SMCO2: variants seen among roughly 807,000 people sequenced by gnomAD.
SMCO2 encodes the protein single-pass membrane protein with coiled-coil domains 2, also known as single-pass membrane and coiled-coil domain-containing protein 2.
SMCO2 carries 25 observed loss-of-function variants against 29.5 expected under a neutral mutation model. The ratio of observed to expected loss-of-function variants is 0.85; its 90% confidence interval spans 0.62 to 1.18. The LOEUF (loss-of-function observed/expected upper bound fraction) is 1.18, where lower values mean the gene tolerates loss of function less well. SMCO2 is among the 50% of genes most tolerant of loss of function. The probability of loss-of-function intolerance (pLI) is 0.00; values close to 1 mark genes in which losing one functional copy is unlikely to be tolerated. For synonymous variants in SMCO2, 117 were observed against 123.3 expected (o/e 0.95, Z 0.34); for missense variants, 348 against 344.5 (o/e 1.01, Z -0.08).
upstream of SMCO2, among the ~76,000 whole-genome samples, chr12:27,461,949 TA>T (rs1399182142): frequency 2.0e-5 from 3 of 152,264 alleles, no homozygotes; most frequent in Non-Finnish European, 2.9e-5. Context: ...AGCACTTACA[TA>T]AACCATTATT....
At chr12:27,484,982 A>G (rs1434549270) in intron 4 of SMCO2, among the ~76,000 whole-genome samples, 1 of 150,510 alleles carries the variant, frequency 6.6e-6, no homozygotes, top group Non-Finnish European at 1.5e-5. Context: ...TGGCTCTGCA[A>G]GTTTGTAGTT....
chr12:27,497,282 A>G (rs1007518182), intron 7 of SMCO2: 2 of 152,762 alleles, frequency 1.3e-5, no homozygotes, highest in Admixed American at 1.3e-4. Flanking sequence ...ATAGTTTAGT[A>G]AAATCTATGA....
upstream of SMCO2, among the ~76,000 whole-genome samples, chr12:27,465,997 G>A (rs538496659): frequency 1.3e-5 from 2 of 152,290 alleles, no homozygotes; most frequent in South Asian, 4.1e-4. Context: ...ATGGGAGAGG[G>A]AAATGTGAGC....
intron 4 of SMCO2, chr12:27,475,692 T>G: frequency 6.5e-7 from 1 of 1,549,076 alleles, no homozygotes; most frequent in South Asian, 1.2e-5. Flanking sequence ...ATTGACAATA[T>G]TATTAAAAAA....
At chr12:27,433,087 A>G in the SMCO2 span, among the ~76,000 whole-genome samples, 1 of 152,212 alleles carries the variant, frequency 6.6e-6, no homozygotes, top group African/African-American at 2.4e-5. Context: ...CATCGTAACT[A>G]TCTTGTGGAA....
the SMCO2 span, among the ~76,000 whole-genome samples, chr12:27,434,487 T>G: frequency 3.9e-5 from 6 of 152,194 alleles, no homozygotes; most frequent in Non-Finnish European, 8.8e-5. Context: ...ATATAACATC[T>G]AATGAGCTGT....
At chr12:27,494,216 G>A (rs953682103) in intron 5 of SMCO2, 84 bp from the exon 7 acceptor site, 2 of 857,284 alleles carry the variant, frequency 2.3e-6, no homozygotes, top group East Asian at 3.4e-5. Context: ...ATTTTATAAG[G>A]TTTGTCAAAA....
the SMCO2 span, among the ~76,000 whole-genome samples, chr12:27,447,000 C>T: frequency 5.9e-5 from 9 of 152,238 alleles, no homozygotes; most frequent in East Asian, 1.9e-4. Flanking sequence ...AAGTTCCCCA[C>T]GTGATTCTGA....
At chr12:27,473,181 G>A (rs1309478058) in intron 3 of SMCO2, 2 of 308,196 alleles carry the variant, frequency 6.5e-6, no homozygotes, top group Non-Finnish European at 1.2e-5. Context: ...TCTCACCTTC[G>A]AGCAAATCAC....
At chr12:27,444,362 CT>C in the SMCO2 span, among the ~76,000 whole-genome samples, 1 of 152,266 alleles carries the variant, frequency 6.6e-6, no homozygotes, top group Non-Finnish European at 1.5e-5. Flanking sequence ...GGATTATTGA[CT>C]TGAATCTAAG....
At chr12:27,495,339 C>A (rs934836557) in intron 6 of SMCO2, among the ~76,000 whole-genome samples, 1 of 150,678 alleles carries the variant, frequency 6.6e-6, no homozygotes, top group African/African-American at 2.5e-5. Context: ...TATCCTAGAA[C>A]CTGTTAGCAG....
chr12:27,497,882 G>A (rs1592220919), intron 7 of SMCO2: 1 of 340,396 alleles, frequency 2.9e-6, no homozygotes, highest in Non-Finnish European at 5.7e-6. Context: ...AATATTTGCT[G>A]CTGCTCAAAA....
At chr12:27,437,978 A>G in the SMCO2 span, among the ~76,000 whole-genome samples, 1 of 151,674 alleles carries the variant, frequency 6.6e-6, no homozygotes, top group African/African-American at 2.4e-5. Context: ...TCCAGTGACC[A>G]CCCTCCTCTT....
intron 5 of SMCO2, among the ~76,000 whole-genome samples, chr12:27,490,396 A>C (rs1052259874): frequency 6.6e-6 from 1 of 152,172 alleles, no homozygotes; most frequent in African/African-American, 2.4e-5. Flanking sequence ...GGTATAAGGA[A>C]ATTTAGGGGC....
intron 4 of SMCO2, 121 bp downstream of exon 5, chr12:27,475,852 G>A (rs1260496740): frequency 2.0e-6 from 2 of 999,922 alleles, no homozygotes; most frequent in Non-Finnish European, 2.7e-6. Flanking sequence ...TTTCTTGGAT[G>A]AAATATCTGT....
At chr12:27,467,285 C>T (rs1949505606) in intron 1 of SMCO2, among the ~76,000 whole-genome samples, 1 of 152,026 alleles carries the variant, frequency 6.6e-6, no homozygotes, top group African/African-American at 2.4e-5. Flanking sequence ...GGATTCACTC[C>T]ATTTGTACCA....
intron 4 of SMCO2, among the ~76,000 whole-genome samples, chr12:27,475,243 C>T (rs384434): frequency 6.6e-6 from 1 of 152,068 alleles, no homozygotes; most frequent in Non-Finnish European, 1.5e-5. Context: ...GCCCTTGTGG[C>T]TCTTTTCCCT....
intron 3 of SMCO2, chr12:27,473,209 A>G (rs1480323745): frequency 3.7e-6 from 1 of 269,778 alleles, no homozygotes; most frequent in Non-Finnish European, 7.2e-6. Context: ...CCAAATCACC[A>G]TATGACCATA....
intron 4 of SMCO2, among the ~76,000 whole-genome samples, chr12:27,483,711 C>G (rs1413529581): frequency 1.3e-5 from 2 of 152,054 alleles, no homozygotes; most frequent in Non-Finnish European, 2.9e-5. Context: ...AGGCGTGAAC[C>G]GTTATGCCCA....
Sources: gnomAD v4.1 joint callset for allele counts (sites outside exome capture counted in the v4.1 genomes callset) on GRCh38, gnomAD v4.1.1 for gene constraint, MANE v1.5 for transcripts, NCBI Gene and HGNC (gene_info 2026-07-23, HGNC 2026-07-21) for gene names.